TLL1: variants seen among roughly 807,000 people sequenced by gnomAD.
The protein encoded by TLL1 is tolloid-like protein 1.
Under a neutral mutation model 128.2 loss-of-function variants are expected in TLL1, and 49 were observed. That is an observed-to-expected ratio of 0.38 (90% CI 0.30 to 0.48). The LOEUF is 0.48. Ranked by LOEUF, TLL1 falls within the 20% of genes least tolerant of loss-of-function variation. The pLI, the probability that TLL1 is intolerant of heterozygous loss-of-function variation, is 0.96. For synonymous variants in TLL1, 454 were observed against 418.8 expected (o/e 1.08, Z -1.03); for missense variants, 1,123 against 1,242.0 (o/e 0.90, Z 1.44).
intron 19 of TLL1, among the ~76,000 whole-genome samples, chr4:166,097,991 G>A (rs529716468): frequency 6.6e-6 from 1 of 152,124 alleles, no homozygotes; most frequent in Admixed American, 6.6e-5. Context: ...ATAGGTTGGT[G>A]GGGCATTGTA....
At chr4:166,078,209 A>G (rs542729180) in intron 18 of TLL1, among the ~76,000 whole-genome samples, 179 bp downstream of exon 18, 1 of 152,240 alleles carries the variant, frequency 6.6e-6, no homozygotes, top group East Asian at 1.9e-4. Context: ...GATCAAGGTG[A>G]CTGCCACGTT....
chr4:166,034,059 G>A (rs1738892550), intron 9 of TLL1, among the ~76,000 whole-genome samples: 2 of 152,050 alleles, frequency 1.3e-5, no homozygotes, highest in East Asian at 1.9e-4. Flanking sequence ...CTTAAATTTA[G>A]CAATTACTAT....
intron 5 of TLL1, among the ~76,000 whole-genome samples, chr4:166,000,756 T>G (rs1737112002): frequency 1.3e-5 from 2 of 152,200 alleles, no homozygotes. Context: ...TTTTTAGGCA[T>G]GTAATAATAT....
intron 1 of TLL1, among the ~76,000 whole-genome samples, chr4:165,883,210 T>C (rs1244911100): frequency 6.6e-6 from 1 of 152,202 alleles, no homozygotes; most frequent in Non-Finnish European, 1.5e-5. Context: ...AGCTGAGTGT[T>C]TTAAGTTAAC....
intron 1 of TLL1, among the ~76,000 whole-genome samples, chr4:165,969,875 A>C (rs1735557505): frequency 6.6e-6 from 1 of 152,154 alleles, no homozygotes; most frequent in Admixed American, 6.5e-5. Flanking sequence ...TCACTTGGAC[A>C]CATTCTTATC....
rs374012699 is a variant in TLL1 at position 166,077,953 on chromosome 4, A to T, written c.2365A>T (p.Asn789Tyr). The change falls in exon 18 of 21, where the codon AAC becomes TAC. Residue 789 changes from asparagine (N) to tyrosine (Y), a missense_variant. This residue lies in a region of TLL1 where 634 missense variants were observed against 672.4 expected (regional missense o/e 0.94). Transcript: ENST00000061240. ...TCCAAGTGGCCTCATCACCAGTCCC[A>T]ACTGGCCAGACAAGTACCCAAGCAG... is the stretch of plus-strand genomic sequence containing the variant. ...HSPSGLITSP[N>Y]WPDKYPSRKE... is the part of the protein sequence containing the mutation. The T allele has an allele frequency of 6.2e-7, 1 of 1,613,550 alleles. No individual in the cohort carries two copies.
At chr4:166,030,700 A>G in intron 9 of TLL1, 1 of 1,132,640 alleles carries the variant, frequency 8.8e-7, no homozygotes, top group Non-Finnish European at 1.1e-6. Context: ...GTACATGTGG[A>G]TATCCAGTTT....
chr4:166,013,092 T>G (rs1737772965), intron 7 of TLL1, among the ~76,000 whole-genome samples: 1 of 151,956 alleles, frequency 6.6e-6, no homozygotes, highest in African/African-American at 2.4e-5. Flanking sequence ...AACACTGTAC[T>G]GCCCGTTACC....
intron 10 of TLL1, 89 bp downstream of exon 10, chr4:166,039,530 G>A (rs1201409511): frequency 2.2e-6 from 2 of 898,980 alleles, no homozygotes; most frequent in Non-Finnish European, 3.6e-6. Flanking sequence ...TCATCGTAGA[G>A]TTAAAAATGT....
intron 1 of TLL1, among the ~76,000 whole-genome samples, chr4:165,927,812 C>T (rs1441034802): frequency 1.3e-5 from 2 of 152,312 alleles, no homozygotes; most frequent in South Asian, 2.1e-4. Flanking sequence ...AAGCCCTCCA[C>T]GACAAAGAAA....
chr4:166,074,364 T>A (rs1740926159), intron 16 of TLL1, among the ~76,000 whole-genome samples: 1 of 151,488 alleles, frequency 6.6e-6, no homozygotes, highest in Non-Finnish European at 1.5e-5. Context: ...GGGAAAAAAA[T>A]CAACTACAGT....
intron 1 of TLL1, among the ~76,000 whole-genome samples, chr4:165,907,094 A>T: frequency 6.6e-6 from 1 of 152,192 alleles, no homozygotes; most frequent in East Asian, 1.9e-4. Context: ...TGACATACAT[A>T]TATCAATGGT....
At chr4:165,945,246 G>T (rs544558413) in intron 1 of TLL1, among the ~76,000 whole-genome samples, 58 of 151,626 alleles carry the variant, frequency 3.8e-4, no homozygotes, top group African/African-American at 1.2e-3. Flanking sequence ...GACAAAAATT[G>T]AGTAGGATTT....
chr4:165,973,801 A>T (rs1406417250), intron 1 of TLL1, among the ~76,000 whole-genome samples: 1 of 151,726 alleles, frequency 6.6e-6, no homozygotes, highest in Non-Finnish European at 1.5e-5. Flanking sequence ...AAGCAACTGG[A>T]AATACAGGTG....
At chr4:166,052,724 A>G (rs555545059) in intron 12 of TLL1, among the ~76,000 whole-genome samples, 9 of 152,002 alleles carry the variant, frequency 5.9e-5, no homozygotes, top group Non-Finnish European at 1.2e-4. Flanking sequence ...AATCAGGAGC[A>G]GTTCATTCTG....
intron 1 of TLL1, among the ~76,000 whole-genome samples, chr4:165,921,203 A>G (rs546584569): frequency 2.5e-4 from 38 of 152,334 alleles, no homozygotes; most frequent in Non-Finnish European, 4.4e-4. Flanking sequence ...CTTGCTAAGT[A>G]TAACAAGCTA....
At chr4:166,054,508 G>A (rs961595814) in intron 12 of TLL1, among the ~76,000 whole-genome samples, 2 of 151,674 alleles carry the variant, frequency 1.3e-5, no homozygotes, top group African/African-American at 4.8e-5. Context: ...CTGGTGCGCT[G>A]CACCCACTAA....
intron 1 of TLL1, among the ~76,000 whole-genome samples, chr4:165,882,492 G>A (rs1731005266): frequency 6.6e-6 from 1 of 152,106 alleles, no homozygotes; most frequent in East Asian, 1.9e-4. Flanking sequence ...AGAAGAAATA[G>A]TATATAACTA....
At chr4:165,927,048 A>G (rs1052321525) in intron 1 of TLL1, among the ~76,000 whole-genome samples, 1 of 152,198 alleles carries the variant, frequency 6.6e-6, no homozygotes, top group Non-Finnish European at 1.5e-5. Context: ...TATGCTGCAT[A>G]TTTAGAAACT....
Sources: allele counts gnomAD v4.1 joint callset (sites outside exome capture counted in the v4.1 genomes callset), GRCh38; gene constraint gnomAD v4.1.1; regional missense constraint gnomAD v4.1.1; transcripts MANE v1.5; gene names NCBI Gene and HGNC (gene_info 2026-07-23, HGNC 2026-07-21).